Variants in KDM5A observed in about 807,000 individuals in gnomAD.
The protein encoded by KDM5A is lysine demethylase 5A.
A neutral mutation model predicts 193.5 loss-of-function variants in KDM5A; 42 were observed. The observed-to-expected ratio is 0.22, with a 90% confidence interval of 0.17 to 0.28. The LOEUF (loss-of-function observed/expected upper bound fraction) is 0.28, where lower values mean the gene tolerates loss of function less well. KDM5A is among the 10% of genes least tolerant of loss of function. The pLI is 1.00. For missense variants in KDM5A, 1,692 were observed against 2,055.1 expected, an observed-to-expected ratio of 0.82 and a Z score of 3.42; for synonymous variants, 796 against 718.1, an observed-to-expected ratio of 1.11 and a Z score of -1.73.
intron 5 of KDM5A, among the ~76,000 whole-genome samples, chr12:361,185 A>G (rs1163801865): frequency 6.6e-6 from 1 of 151,310 alleles, no homozygotes; most frequent in Non-Finnish European, 1.5e-5. Context: ...CATTCCATGC[A>G]GCACCCCCCT....
chr12:350,229 G>T (rs1162310120), intron 10 of KDM5A, among the ~76,000 whole-genome samples: 1 of 152,062 alleles, frequency 6.6e-6, no homozygotes, highest in East Asian at 1.9e-4. Context: ...CTGAGGTCAG[G>T]AGTTCAAGAC....
chr12:370,653 A>T (rs1027605125), intron 3 of KDM5A, among the ~76,000 whole-genome samples: 1 of 151,988 alleles, frequency 6.6e-6, no homozygotes, highest in Admixed American at 6.6e-5. Context: ...AGGGTAGTAC[A>T]TGTGCACAAC....
chr12:302,050 A>G (rs1943448381), intron 24 of KDM5A, among the ~76,000 whole-genome samples: 1 of 152,236 alleles, frequency 6.6e-6, no homozygotes, highest in East Asian at 1.9e-4. Flanking sequence ...AGAACATTCC[A>G]TGCTCATGGG....
intron 21 of KDM5A, among the ~76,000 whole-genome samples, chr12:310,652 G>A (rs766048081): frequency 6.6e-6 from 1 of 151,920 alleles, no homozygotes; most frequent in African/African-American, 2.4e-5. Context: ...AGAACAAAAC[G>A]ATTTCAATGA....
Position 363,096 on chromosome 12 carries a change from C to A in KDM5A, c.539G>T (p.Gly180Val). Residue 180 changes from glycine (G) to valine (V), a missense_variant and splice_region_variant, in exon 5 of 28, where the codon GGT (glycine) becomes GTT (valine). This residue lies in a region of KDM5A where 120 missense variants were observed against 172.0 expected (regional missense o/e 0.70). Coordinates refer to ENST00000399788, the MANE Select transcript of KDM5A (RefSeq NM_001042603.3). Reference sequence around the variant, plus strand: ...AAGATCTAAATTAGGCATCTGCACACCCTAAAAGATCAGAGCACAGAAAGA... The same window carrying A: ...AAGATCTAAATTAGGCATCTGCACAACCTAAAAGATCAGAGCACAGAAAGA... ...ELFQSGVSLM[G>V]VQMPNLDLKE... The A allele has an allele frequency of 1.2e-6, 2 of 1,613,978 alleles. No homozygotes were observed. Among genetic ancestry groups the A allele is most frequent in the South Asian group, 2.2e-5 (2 of 91,080 alleles).
intron 26 of KDM5A, among the ~76,000 whole-genome samples, chr12:294,899 A>C (rs972883538): frequency 1.1e-4 from 16 of 152,324 alleles, no homozygotes; most frequent in Admixed American, 2.6e-4. Flanking sequence ...GGTGAGGACC[A>C]AATGAGCTCA....
rs1943144311 is a variant in KDM5A at position 280,510 on chromosome 12, A to G, written c.*4946T>C. The G allele has an allele frequency of 8.6e-6, 2 of 233,154 alleles. No individual in the cohort carries two copies. The highest frequency in any genetic ancestry group is 2.5e-3 in the Middle Eastern group (2 of 786). The allele number at this position is 233,154 out of a possible 1,614,324, so 14.4% of individuals were successfully genotyped here. On this transcript the variant is annotated 3_prime_UTR_variant, in exon 28 of 28. Transcript: ENST00000399788. ...CTAACATACACATACAGAGTTACAC[A>G]TTTCATGAAACTGAGGCCAAGTCCA...
At chr12:298,634 C>T (rs1943403204) in intron 24 of KDM5A, among the ~76,000 whole-genome samples, 1 of 152,088 alleles carries the variant, frequency 6.6e-6, no homozygotes, top group African/African-American at 2.4e-5. Context: ...AACCAGAATG[C>T]CTCTTCTCCT....
At chr12:322,765 C>T (rs1026727925) in intron 16 of KDM5A, among the ~76,000 whole-genome samples, 198 bp from the exon 17 acceptor site, 3 of 152,152 alleles carry the variant, frequency 2.0e-5, no homozygotes, top group African/African-American at 7.2e-5. Flanking sequence ...TCCCTATAGA[C>T]AGTTTCTCTC....
intron 19 of KDM5A, among the ~76,000 whole-genome samples, chr12:317,082 T>C (rs1197489482): frequency 6.6e-6 from 1 of 152,210 alleles, no homozygotes; most frequent in African/African-American, 2.4e-5. Flanking sequence ...TTTGCTGACA[T>C]ACAGTCAGAT....
At chr12:344,508 G>C (rs557315478) in intron 10 of KDM5A, among the ~76,000 whole-genome samples, 10 of 152,326 alleles carry the variant, frequency 6.6e-5, no homozygotes, top group African/African-American at 2.4e-4. Flanking sequence ...GTTAAGGGCA[G>C]CCAGAGAGAA....
At chr12:364,076 T>A (rs1944322467) in intron 4 of KDM5A, among the ~76,000 whole-genome samples, 1 of 152,096 alleles carries the variant, frequency 6.6e-6, no homozygotes, top group South Asian at 2.1e-4. Flanking sequence ...AAACTGACAA[T>A]ACCAAGTGTT....
intron 3 of KDM5A, among the ~76,000 whole-genome samples, chr12:381,148 C>T (rs1326666099): frequency 6.6e-6 from 1 of 152,184 alleles, no homozygotes; most frequent in Admixed American, 6.5e-5. Flanking sequence ...GCATGTGCCA[C>T]CACGTCCGGC....
intron 17 of KDM5A, 93 bp from the exon 18 acceptor site, chr12:321,202 C>T: frequency 1.2e-6 from 1 of 868,518 alleles, no homozygotes; most frequent in East Asian, 2.5e-5. Context: ...CAAACCTAAG[C>T]AATCCTAGAA....
intron 5 of KDM5A, among the ~76,000 whole-genome samples, chr12:361,951 G>A (rs1207206397): frequency 6.6e-6 from 1 of 152,174 alleles, no homozygotes; most frequent in African/African-American, 2.4e-5. Flanking sequence ...AAAGCAAGAT[G>A]AAGTATTAAT....
At chr12:341,225 GGAAGGGTGTGAAGACATTCAGGCT>G (rs1565539331) in intron 10 of KDM5A, among the ~76,000 whole-genome samples, 1 of 152,140 alleles carries the variant, frequency 6.6e-6, no homozygotes, top group Non-Finnish European at 1.5e-5. Flanking sequence ...ATTTGCCAAT[GGAAGGGTGTGAAGACATTCAGGCT>G]GATACATTTC....
At chr12:340,108 A>C (rs893606085) in intron 10 of KDM5A, among the ~76,000 whole-genome samples, 1 of 151,728 alleles carries the variant, frequency 6.6e-6, no homozygotes, top group Non-Finnish European at 1.5e-5. Flanking sequence ...GACCTCCTAG[A>C]CTCAAAAGAT....
In KDM5A at chr12:338,146, T is replaced by C. The variant is rs78548057; in HGVS notation, c.1309-3724A>G. ...GTCCTTTGAAAGGCCTACTAAAAGT[T>C]TGGCCCATGGCTGGCATCTAGACAC... is the stretch of plus-strand genomic sequence containing the variant. On this transcript the variant is annotated intron_variant, in intron 10 of 27. Coordinates refer to ENST00000399788, the MANE Select transcript of KDM5A (RefSeq NM_001042603.3). Among the ~76,000 whole-genome samples, 430 of 152,094 alleles carry C rather than the reference T, an allele frequency of 2.8e-3. 13 individuals carry two copies. The East Asian group carries it at 0.065, about 23-fold the overall frequency.
Position 363,028 on chromosome 12 carries a change from T to A in KDM5A, c.607A>T (p.Thr203Ser), listed in dbSNP as rs1489888721. Residue 203 changes from threonine to serine, a missense_variant, in exon 5 of 28, where the codon ACT (threonine) becomes TCT (serine). Physicochemically the swap from Thr to Ser is moderately conservative, Grantham distance 58. This residue lies in a region of KDM5A where 134 missense variants were observed against 124.2 expected (regional missense o/e 1.08). Transcript: ENST00000399788. ...EPEVLSTDTQTSPEPGTRMNI... is the reference protein window; with the variant it reads ...EPEVLSTDTQSSPEPGTRMNI... ...ATCCTTGTGCCTGGCTCTGGGGAAG[T>A]TTGGGTATCAGTGCTGAGAACCTCA... is the stretch of plus-strand genomic sequence containing the variant. 2 of 1,614,136 alleles carry A rather than the reference T, an allele frequency of 1.2e-6. No homozygotes were observed. The highest frequency in any genetic ancestry group is 3.3e-5 in the Admixed American group (2 of 60,006).
Sources: allele counts gnomAD v4.1 joint callset (sites outside exome capture counted in the v4.1 genomes callset), GRCh38; gene constraint gnomAD v4.1.1; regional missense constraint gnomAD v4.1.1; transcripts MANE v1.5; gene names NCBI Gene and HGNC (gene_info 2026-07-23, HGNC 2026-07-21).